The following KCNT2 variants were observed in gnomAD, a reference collection of about 807,000 sequenced individuals.
KCNT2 encodes the protein potassium sodium-activated channel subfamily T member 2, also known as potassium channel subfamily T member 2.
In KCNT2, 67 loss-of-function variants were observed where a neutral mutation model predicts 153.8. That is an observed-to-expected ratio of 0.44 (90% CI 0.36 to 0.53). KCNT2 has a LOEUF of 0.53. Among genes scored for constraint, KCNT2 ranks in the 20% least tolerant of loss-of-function variants. The pLI, the probability that KCNT2 is intolerant of heterozygous loss-of-function variation, is 0.00. For synonymous variants in KCNT2, 500 were observed against 458.8 expected (o/e 1.09, Z -1.15); for missense variants, 975 against 1,354.8 (o/e 0.72, Z 4.40).
Position 196,399,836 on chromosome 1 carries a change from G to T in KCNT2, c.1186-1165C>A, listed in dbSNP as rs371604062. 2.0e-4 allele frequency among the ~76,000 whole-genome samples: 30 copies of T among 151,802 alleles called. No individual in the cohort carries two copies. The East Asian group carries it at 3.5e-3, about 18-fold the overall frequency. ...AAGACACCTGAGAGAGAGCTCCCTC[G>T]CTTCTTCAGCCATGTAAGGATGTTG... is the stretch of plus-strand genomic sequence containing the variant. On this transcript the variant is annotated intron_variant, in intron 12 of 27. Coordinates refer to ENST00000294725, the MANE Select transcript of KCNT2 (RefSeq NM_198503.5).
rs1325395027 is a variant in KCNT2, at chr1:196,429,658, C to T, written c.738G>A (p.Gly246=). ...CIVTFSTVGF[G]DVTPETWSSK... ...AGGACCATGTTTCAGGAGTGACATC[C>T]CCGAAGCCCACAGTAGAAAACGTCA... Residue 246 remains glycine, a synonymous_variant, in exon 9 of 28, where the codon GGG becomes GGA. Coordinates refer to ENST00000294725, the MANE Select transcript of KCNT2 (RefSeq NM_198503.5). The T allele has an allele frequency of 5.6e-6, 9 of 1,612,518 alleles. No individual in the cohort carries two copies. Among genetic ancestry groups the T allele is most frequent in the Non-Finnish European group, 7.6e-6 (9 of 1,179,088 alleles).
chr1:196,436,054 T>A (rs1674625871), intron 8 of KCNT2, among the ~76,000 whole-genome samples: 1 of 151,672 alleles, frequency 6.6e-6, no homozygotes, highest in African/African-American at 2.4e-5. Flanking sequence ...CGAGTTTTTA[T>A]TTTACAAAAT....
chr1:196,393,380 A>G (rs536643155), intron 13 of KCNT2, among the ~76,000 whole-genome samples: 1 of 151,608 alleles, frequency 6.6e-6, no homozygotes, highest in African/African-American at 2.4e-5. Flanking sequence ...GTTTATCTAA[A>G]TTTAGCTATT....
intron 8 of KCNT2, among the ~76,000 whole-genome samples, chr1:196,455,916 G>A (rs1011554101): frequency 5.9e-5 from 9 of 151,992 alleles, no homozygotes; most frequent in Non-Finnish European, 1.2e-4. Flanking sequence ...AAGCTCTTTA[G>A]TTCATCCTTA....
At chr1:196,551,638 G>T (rs543219478) in intron 1 of KCNT2, among the ~76,000 whole-genome samples, 1 of 151,690 alleles carries the variant, frequency 6.6e-6, no homozygotes, top group East Asian at 2.0e-4. Context: ...GCAGTGGGGG[G>T]TCAGTGATAG....
At chr1:196,459,277 C>T (rs1676947035) in intron 8 of KCNT2, among the ~76,000 whole-genome samples, 2 of 151,390 alleles carry the variant, frequency 1.3e-5, no homozygotes, top group South Asian at 2.1e-4. Context: ...TAAAAGGTGA[C>T]CATGCCCTAT....
intron 20 of KCNT2, 45 bp from the exon 21 acceptor site, chr1:196,316,071 C>T: frequency 1.3e-6 from 2 of 1,570,522 alleles, no homozygotes; most frequent in Non-Finnish European, 1.7e-6. Flanking sequence ...AAATAAATCA[C>T]AATGTTATAA....
At chr1:196,591,737 T>C (rs976046601) in intron 1 of KCNT2, among the ~76,000 whole-genome samples, 3 of 152,176 alleles carry the variant, frequency 2.0e-5, no homozygotes, top group Admixed American at 6.5e-5. Context: ...GTACTTCTTA[T>C]GCATTATCCC....
intron 27 of KCNT2, among the ~76,000 whole-genome samples, chr1:196,231,249 A>G (rs934839931): frequency 2.0e-5 from 3 of 151,932 alleles, no homozygotes; most frequent in Non-Finnish European, 4.4e-5. Flanking sequence ...AGTAGACTAA[A>G]GTATAATGCA....
At chr1:196,401,293 C>T (rs540123990) in intron 12 of KCNT2, among the ~76,000 whole-genome samples, 6 of 151,762 alleles carry the variant, frequency 4.0e-5, no homozygotes, top group South Asian at 2.1e-4. Flanking sequence ...ATCCAAAATA[C>T]GATGCAGTAT....
At chr1:196,598,603 T>G (rs36042024) in intron 1 of KCNT2, among the ~76,000 whole-genome samples, 107 of 152,332 alleles carry the variant, frequency 7.0e-4, no homozygotes, top group Non-Finnish European at 1.3e-3. Flanking sequence ...TTTAAATTTG[T>G]TTGAATTTTG....
At chr1:196,467,844 A>G in intron 6 of KCNT2, 58 bp from the exon 7 acceptor site, 1 of 936,790 alleles carries the variant, frequency 1.1e-6, no homozygotes, top group Non-Finnish European at 1.6e-6. Context: ...AACCATACCC[A>G]GTATACTAAA....
chr1:196,556,569 T>A lies in KCNT2; in HGVS notation c.95+51646A>T, dbSNP rs1658696908. Among the ~76,000 whole-genome samples, 3 of 151,354 alleles carry A rather than the reference T, an allele frequency of 2.0e-5. 1 individual carries two copies. In the South Asian group the frequency reaches 6.2e-4, roughly 31 times the overall value. On this transcript the variant is annotated intron_variant, in intron 1 of 27. Transcript: ENST00000294725. ...AGCTCAACCAGTATAGAAAACAGTT[T>A]GGTAGTTCATCAGAAAACTAAAACT...
chr1:196,433,805 T>C lies in KCNT2; in HGVS notation c.639-4048A>G, dbSNP rs151303848. Among the ~76,000 whole-genome samples the C allele has an allele frequency of 3.0e-3, 454 of 152,160 alleles. 1 individual carries two copies. The highest frequency in any genetic ancestry group is 1.0e-2 in the African/African-American group (415 of 41,546). On this transcript the variant is annotated intron_variant, in intron 8 of 27. Transcript: ENST00000294725. ...TAGCATACATATTCTATTGTCTTTA[T>C]GTATATATATATATATTGGTACAGT...
chr1:196,406,715 T>C (rs1671862148), intron 12 of KCNT2, among the ~76,000 whole-genome samples: 3 of 151,412 alleles, frequency 2.0e-5, no homozygotes, highest in African/African-American at 7.3e-5. Flanking sequence ...GATTTAACAG[T>C]ATATCTGGGA....
Position 196,398,559 on chromosome 1 carries a change from T to G in KCNT2, c.1294+4A>C. ...AATGGATCTCATGCAAGATAAAAACTTACCAGCAAATTTGATGTGAAATTT... is the reference window on the plus strand; with the variant it reads ...AATGGATCTCATGCAAGATAAAAACGTACCAGCAAATTTGATGTGAAATTT... On this transcript the variant is annotated splice_donor_region_variant and intron_variant, in intron 13 of 27. Transcript: ENST00000294725. 1.3e-6 allele frequency: 2 copies of G among 1,535,976 alleles called. No homozygotes were observed. The highest frequency in any genetic ancestry group is 1.8e-6 in the Non-Finnish European group (2 of 1,111,484).
chr1:196,525,478 ATG>A (rs1402587360), intron 1 of KCNT2, among the ~76,000 whole-genome samples: 1 of 152,210 alleles, frequency 6.6e-6, no homozygotes, highest in Non-Finnish European at 1.5e-5. Flanking sequence ...AGAGAAATAT[ATG>A]TGTTAGATGA....
Position 196,608,439 on chromosome 1 carries a change from A to T in KCNT2, c.-130T>A. On this transcript the variant is annotated 5_prime_UTR_variant, in exon 1 of 28. Coordinates refer to ENST00000294725, the MANE Select transcript of KCNT2 (RefSeq NM_198503.5). ...CCGAGAGAGGGATGGGAGAAGGGGAAGGGGACAGGGAGGGGGAGGGGGTCC... is the reference window on the plus strand; with the variant it reads ...CCGAGAGAGGGATGGGAGAAGGGGATGGGGACAGGGAGGGGGAGGGGGTCC... The T allele has an allele frequency of 5.5e-4, 300 of 541,346 alleles. No homozygotes were observed. Among genetic ancestry groups the T allele is most frequent in the Middle Eastern group, 1.4e-3 (4 of 2,786 alleles). The allele number at this position is 541,346 out of a possible 1,614,324, so 33.5% of individuals were successfully genotyped here. A position where few individuals can be genotyped will look rare whatever the true frequency, so the allele number is the denominator to read the frequency against.
chr1:196,327,108 C>T (rs1663936322), intron 18 of KCNT2, among the ~76,000 whole-genome samples: 1 of 152,054 alleles, frequency 6.6e-6, no homozygotes, highest in Non-Finnish European at 1.5e-5. Flanking sequence ...AGGTTTGTAG[C>T]TTGATGTTGA....
Sources: gnomAD v4.1 joint callset for allele counts (sites outside exome capture counted in the v4.1 genomes callset) on GRCh38, gnomAD v4.1.1 for gene constraint, MANE v1.5 for transcripts, NCBI Gene and HGNC (gene_info 2026-07-23, HGNC 2026-07-21) for gene names.